ATP2B4: variants seen among roughly 807,000 people sequenced by gnomAD.
ATP2B4 encodes plasma membrane calcium-transporting ATPase 4.
Under a neutral mutation model 110.3 loss-of-function variants are expected in ATP2B4, and 39 were observed. That is an observed-to-expected ratio of 0.35 (90% CI 0.27 to 0.46). ATP2B4 has a LOEUF of 0.46. Among genes scored for constraint, ATP2B4 ranks in the 20% least tolerant of loss-of-function variants. The probability of loss-of-function intolerance (pLI) is 1.00; values close to 1 mark genes in which losing one functional copy is unlikely to be tolerated. For synonymous variants in ATP2B4, 538 were observed against 571.7 expected, an observed-to-expected ratio of 0.94 and a Z score of 0.84; for missense variants, 1,135 against 1,530.9, an observed-to-expected ratio of 0.74 and a Z score of 4.32.
Position 203,683,372 on chromosome 1 carries a change from G to A in ATP2B4, c.167G>A (p.Ser56Asn). ...VHYGGVQNLCSRLKTSPVEGL... is the reference protein window; with the variant it reads ...VHYGGVQNLCNRLKTSPVEGL... ...TATGGAGGTGTACAGAATCTCTGCA[G>A]TAGACTGAAAACCTCCCCTGTGGAA... Residue 56 changes from serine to asparagine, a missense_variant, in exon 2 of 21, where the codon AGT becomes AAT. Ser to Asn is a conservative substitution (Grantham distance 46, BLOSUM62 1). Around this residue, in one of 9 missense-constraint regions of ATP2B4, gnomAD observed 122 missense variants for 125.2 expected, o/e 0.97. Coordinates refer to ENST00000357681, the MANE Select transcript of ATP2B4 (RefSeq NM_001684.5). 1 of 1,612,674 alleles carries A rather than the reference G, an allele frequency of 6.2e-7. No individual in the cohort carries two copies. The highest frequency in any genetic ancestry group is 8.5e-7 in the Non-Finnish European group (1 of 1,179,132).
At chr1:203,679,538 A>G (rs1040508578) in intron 1 of ATP2B4, among the ~76,000 whole-genome samples, 3 of 152,100 alleles carry the variant, frequency 2.0e-5, no homozygotes, top group African/African-American at 7.2e-5. Context: ...TCAGTTGCCT[A>G]TGGAAGTGGA....
At chr1:203,660,383 G>A (rs1465437089) in intron 1 of ATP2B4, among the ~76,000 whole-genome samples, 1 of 152,152 alleles carries the variant, frequency 6.6e-6, no homozygotes, top group African/African-American at 2.4e-5. Flanking sequence ...AAGATCGTGA[G>A]AATGCACGCC....
intron 20 of ATP2B4, among the ~76,000 whole-genome samples, chr1:203,735,030 GA>G (rs1189519877): frequency 8.1e-5 from 10 of 123,380 alleles, no homozygotes; most frequent in Non-Finnish European, 1.6e-4. Flanking sequence ...AAAAAACGAA[GA>G]AAAAAAATCA....
chr1:203,691,342 A>G (rs1665367530), intron 2 of ATP2B4, among the ~76,000 whole-genome samples: 5 of 152,212 alleles, frequency 3.3e-5, no homozygotes, highest in Admixed American at 3.3e-4. Context: ...CAGATACTGC[A>G]TCTACCGAAA....
At chr1:203,632,293 A>G (rs530543069) in intron 1 of ATP2B4, among the ~76,000 whole-genome samples, 1 of 152,018 alleles carries the variant, frequency 6.6e-6, no homozygotes, top group Non-Finnish European at 1.5e-5. Flanking sequence ...AAACCAAGAC[A>G]TAGTACAGTA....
In ATP2B4 at chr1:203,683,119, G is replaced by A. The variant is rs1200285976; in HGVS notation, c.-87G>A. On this transcript the variant is annotated 5_prime_UTR_variant, in exon 2 of 21. Coordinates refer to ENST00000357681, the MANE Select transcript of ATP2B4 (RefSeq NM_001684.5). ...CCAGAGAAGCAAGAAGTAGGAAGAA[G>A]TTGAGACAGGGAGGCAGGAGACACT... The A allele has an allele frequency of 1.6e-5, 23 of 1,466,604 alleles. No homozygotes were observed. The highest frequency in any genetic ancestry group is 1.5e-4 in the South Asian group (11 of 74,516). The allele number at this position is 1,466,604 out of a possible 1,614,324, so 90.8% of individuals were successfully genotyped here.
At chr1:203,725,669 A>G (rs1489189606) in intron 19 of ATP2B4, among the ~76,000 whole-genome samples, 1 of 151,876 alleles carries the variant, frequency 6.6e-6, no homozygotes, top group East Asian at 1.9e-4. Flanking sequence ...CCTTAATACC[A>G]CTTTACAAAC....
chr1:203,688,944 A>G (rs904385777), intron 2 of ATP2B4, among the ~76,000 whole-genome samples: 2 of 152,198 alleles, frequency 1.3e-5, no homozygotes, highest in African/African-American at 4.8e-5. Context: ...TGGGTTTATC[A>G]GGAGGGACAA....
intron 1 of ATP2B4, among the ~76,000 whole-genome samples, chr1:203,676,887 T>A (rs532515242): frequency 1.3e-5 from 2 of 152,278 alleles, no homozygotes; most frequent in East Asian, 3.9e-4. Context: ...TCTATCCCTA[T>A]GCCTTCCCAG....
intron 7 of ATP2B4, 56 bp downstream of exon 7, chr1:203,702,135 C>T (rs1665711883): frequency 2.5e-6 from 4 of 1,589,426 alleles, no homozygotes; most frequent in Non-Finnish European, 3.5e-6. Context: ...CAAACCAGAC[C>T]TTTCCAGGCC....
chr1:203,709,388 G>C lies in ATP2B4; in HGVS notation c.1645G>C (p.Asp549His), dbSNP rs974513048. The change falls in exon 11 of 21, where the codon GAT (aspartate) becomes CAT (histidine). Residue 549 changes from aspartate to histidine, a missense_variant. Physicochemically the swap from Asp to His is moderately conservative, Grantham distance 81 (BLOSUM62 -1). Transcript: ENST00000357681. The stretch of plus-strand genomic sequence containing the variant: ...AGGCTTTGTCACAGATCTGAAGCAG[G>C]ATTATCAGGCTGTGCGTAATGAAGT... The part of the protein sequence containing the change: ...LLGFVTDLKQ[D>H]YQAVRNEVPE... 4 of 1,614,198 alleles carry C rather than the reference G, an allele frequency of 2.5e-6. No individual in the cohort carries two copies. The highest frequency in any genetic ancestry group is 3.4e-6 in the Non-Finnish European group (4 of 1,180,036).
chr1:203,704,836 A>G (rs1246536748), intron 8 of ATP2B4, among the ~76,000 whole-genome samples: 1 of 152,090 alleles, frequency 6.6e-6, no homozygotes, highest in Non-Finnish European at 1.5e-5. Context: ...GTTTACCACA[A>G]TCATAATCAG....
intron 1 of ATP2B4, among the ~76,000 whole-genome samples, chr1:203,642,262 T>G (rs1310560884): frequency 1.3e-5 from 2 of 152,112 alleles, no homozygotes; most frequent in Admixed American, 1.3e-4. Flanking sequence ...AAAAAAAATT[T>G]TTTTTAGAAA....
intron 20 of ATP2B4, among the ~76,000 whole-genome samples, chr1:203,739,297 T>C (rs1666946567): frequency 6.6e-6 from 1 of 152,210 alleles, no homozygotes; most frequent in South Asian, 2.1e-4. Context: ...TTTCTACTTT[T>C]TTTAATGCAG....
chr1:203,669,060 AT>A, intron 1 of ATP2B4, among the ~76,000 whole-genome samples: 1 of 152,178 alleles, frequency 6.6e-6, no homozygotes, highest in East Asian at 1.9e-4. Context: ...AAAATATCTT[AT>A]TTTTTCACTT....
chr1:203,717,424 A>C (rs1177254314), intron 15 of ATP2B4, among the ~76,000 whole-genome samples: 1 of 151,920 alleles, frequency 6.6e-6, no homozygotes, highest in African/African-American at 2.4e-5. Flanking sequence ...CACTGCTCTT[A>C]GTATGGTTTT....
rs60841821 is a variant in ATP2B4, at chr1:203,719,225, G to GAAAAAAAAAAAAAAA, written c.2407-1318_2407-1304dup. Among the ~76,000 whole-genome samples the GAAAAAAAAAAAAAAA allele has an allele frequency of 4.8e-4, 26 of 54,406 alleles. 1 individual carries two copies. Among genetic ancestry groups the GAAAAAAAAAAAAAAA allele is most frequent in the African/African-American group, 1.9e-3 (25 of 13,316 alleles). The allele number at this position is 54,406 out of a possible 152,430, so 35.7% of individuals were successfully genotyped here. On this transcript the variant is annotated intron_variant, in intron 15 of 20. Transcript: ENST00000357681. ...AGATGACAGAGCAAGACCCTGTCTC[G>GAAAAAAAAAAAAAAA]AAAAAAAAAAAAAAAAAAAAGCAAG...
intron 14 of ATP2B4, among the ~76,000 whole-genome samples, chr1:203,713,875 C>T (rs1487721823): frequency 6.6e-6 from 1 of 152,150 alleles, no homozygotes. Flanking sequence ...GCTGAGAAGA[C>T]AAGTAACTTA....
At chr1:203,631,446 T>C (rs1312292909) in intron 1 of ATP2B4, among the ~76,000 whole-genome samples, 1 of 152,186 alleles carries the variant, frequency 6.6e-6, no homozygotes, top group African/African-American at 2.4e-5. Context: ...CAAAGGGAGT[T>C]TGGAGCAGTG....
Sources: gnomAD v4.1 joint callset for allele counts (sites outside exome capture counted in the v4.1 genomes callset) on GRCh38, gnomAD v4.1.1 for gene constraint, gnomAD v4.1.1 regional missense constraint, MANE v1.5 for transcripts, NCBI Gene and HGNC (gene_info 2026-07-23, HGNC 2026-07-21) for gene names.